The following CDYL2 variants were observed in gnomAD, a reference collection of about 807,000 sequenced individuals.
CDYL2 encodes the protein chromodomain Y like 2.
Under a neutral mutation model 49.4 loss-of-function variants are expected in CDYL2, and 23 were observed. The ratio of observed to expected loss-of-function variants is 0.47; its 90% confidence interval spans 0.34 to 0.66. CDYL2 has a LOEUF of 0.66. Among genes scored for constraint, CDYL2 ranks in the 30% least tolerant of loss-of-function variants. The pLI, the probability that CDYL2 is intolerant of heterozygous loss-of-function variation, is 0.01. For synonymous variants in CDYL2, 360 were observed against 268.8 expected (o/e 1.34, Z -3.32); for missense variants, 678 against 656.4 (o/e 1.03, Z -0.36).
intron 1 of CDYL2, among the ~76,000 whole-genome samples, chr16:80,738,341 C>A (rs1472603426): frequency 6.6e-6 from 1 of 151,988 alleles, no homozygotes; most frequent in East Asian, 1.9e-4. Context: ...GCGCATCTGT[C>A]TTTATGGTAG....
intron 2 of CDYL2, among the ~76,000 whole-genome samples, chr16:80,681,369 G>A (rs78852433): frequency 5.9e-5 from 9 of 152,264 alleles, no homozygotes; most frequent in East Asian, 3.9e-4. Context: ...GAGGGTAGAA[G>A]GAGGACATTC....
At chr16:80,728,858 A>G (rs1301677632) in intron 1 of CDYL2, among the ~76,000 whole-genome samples, 4 of 151,602 alleles carry the variant, frequency 2.6e-5, no homozygotes, top group Admixed American at 1.3e-4. Context: ...ACTAAGCTTC[A>G]TAAGTGAAGG....
chr16:80,759,120 A>ATATATATATATATATATGGTT lies in CDYL2; in HGVS notation c.24+45029_24+45030insAACCATATATATATATATATA, dbSNP rs1555535892. On this transcript the variant is annotated intron_variant, in intron 1 of 6. Coordinates refer to ENST00000570137, the MANE Select transcript of CDYL2 (RefSeq NM_152342.4). ...CCATATACTATATATATATATATAT[A>ATATATATATATATATATGGTT]TATATATATATATATATATGGTTTA... is the stretch of plus-strand genomic sequence containing the variant. Among the ~76,000 whole-genome samples the ATATATATATATATATATGGTT allele has an allele frequency of 9.7e-3, 1,190 of 122,554 alleles. 3 individuals are homozygous for ATATATATATATATATATGGTT. The highest frequency in any genetic ancestry group is 0.015 in the Non-Finnish European group (929 of 60,806). 80.4% of individuals were successfully genotyped at this position (122,554 alleles called of 152,430 possible).
chr16:80,785,887 T>C (rs1416865333), intron 1 of CDYL2, among the ~76,000 whole-genome samples: 1 of 152,040 alleles, frequency 6.6e-6, no homozygotes, highest in Admixed American at 6.6e-5. Context: ...TAATAAATGG[T>C]GTTGGGAAAA....
At chr16:80,752,675 G>A (rs1040908209) in intron 1 of CDYL2, among the ~76,000 whole-genome samples, 1 of 152,170 alleles carries the variant, frequency 6.6e-6, no homozygotes, top group Admixed American at 6.5e-5. Flanking sequence ...CACACAACAA[G>A]GGAGTGAATT....
At chr16:80,760,126 C>T (rs1323178881) in intron 1 of CDYL2, among the ~76,000 whole-genome samples, 1 of 152,196 alleles carries the variant, frequency 6.6e-6, no homozygotes, top group Non-Finnish European at 1.5e-5. Context: ...CTTAGACTAG[C>T]AGGCTGCTTT....
rs1246119279 is a variant in CDYL2, at chr16:80,620,821, T to C, written c.949A>G (p.Ile317Val). 6.2e-7 allele frequency: 1 copy of C among 1,611,960 alleles called. No individual in the cohort carries two copies. The highest frequency in any genetic ancestry group is 1.1e-5 in the South Asian group (1 of 90,866). Residue 317 changes from isoleucine (I) to valine (V), a missense_variant, in exon 4 of 7, where the codon ATT becomes GTT. Coordinates refer to ENST00000570137, the MANE Select transcript of CDYL2 (RefSeq NM_152342.4). ...CGCCGGTCGCTGGACAACCGGCCAA[T>C]TAGGTAGGAATAATCCAGGCCGCTG... is the stretch of plus-strand genomic sequence containing the variant. ...FCSGLDYSYL[I>V]GRLSSDRRKE...
At chr16:80,731,808 C>G (rs574508829) in intron 1 of CDYL2, among the ~76,000 whole-genome samples, 2 of 151,994 alleles carry the variant, frequency 1.3e-5, no homozygotes, top group South Asian at 4.2e-4. Flanking sequence ...AACTTTCCAT[C>G]TAACTCTCTG....
chr16:80,646,538 C>T (rs1047467012), intron 2 of CDYL2, among the ~76,000 whole-genome samples: 1 of 152,156 alleles, frequency 6.6e-6, no homozygotes, highest in Non-Finnish European at 1.5e-5. Flanking sequence ...CACCTGTAAT[C>T]CCAGCACTTT....
At position 80,629,013 on chromosome 16, in the gene CDYL2, C is replaced by T. The variant is rs144871180; in HGVS notation, c.834+4006G>A. On this transcript the variant is annotated intron_variant, in intron 3 of 6. Transcript: ENST00000570137. ...CCAGTCAGAGCACATATAAAGGCCC[C>T]GGGGCAGGTGTAAGCATGAAAGCAA... 6.8e-4 allele frequency among the ~76,000 whole-genome samples: 104 copies of T among 152,194 alleles called. 1 individual carries two copies. Among genetic ancestry groups the T allele is most frequent in the African/African-American group, 2.3e-3 (95 of 41,520 alleles).
At chr16:80,775,683 T>A (rs1229055672) in intron 1 of CDYL2, among the ~76,000 whole-genome samples, 1 of 151,780 alleles carries the variant, frequency 6.6e-6, no homozygotes, top group African/African-American at 2.4e-5. Context: ...TTGAAACATA[T>A]CAATATTTGC....
At chr16:80,655,174 A>G (rs1000799059) in intron 2 of CDYL2, among the ~76,000 whole-genome samples, 8 of 152,218 alleles carry the variant, frequency 5.3e-5, no homozygotes, top group African/African-American at 1.9e-4. Flanking sequence ...GAACAGTCTT[A>G]TACATTTGCC....
intron 1 of CDYL2, among the ~76,000 whole-genome samples, chr16:80,763,969 G>T (rs1450648880): frequency 6.6e-6 from 1 of 151,716 alleles, no homozygotes; most frequent in East Asian, 1.9e-4. Context: ...GGAAAGAGGG[G>T]TATTGAAAAT....
Position 80,608,225 on chromosome 16 carries a change from A to G in CDYL2, c.1229T>C (p.Met410Thr). 1 of 1,576,148 alleles carries G rather than the reference A, an allele frequency of 6.3e-7. No individual in the cohort carries two copies. The highest frequency in any genetic ancestry group is 8.6e-7 in the Non-Finnish European group (1 of 1,159,824). ...GGTGAGCTTCCGCCCACAGAACAGC[A>G]TCTCATTGGCCTGAAAAAGCAAAAG... The part of the protein sequence containing the change: ...QILGVALANE[M>T]LFCGRKLTAQ... The change falls in exon 6 of 7, where the codon ATG becomes ACG. Residue 410 changes from methionine to threonine, a missense_variant. Physicochemically the swap from Met to Thr is moderately conservative, Grantham distance 81 (BLOSUM62 -1). This residue lies in a region of CDYL2 where 153 missense variants were observed against 150.6 expected (regional missense o/e 1.02). Coordinates refer to ENST00000570137, the MANE Select transcript of CDYL2 (RefSeq NM_152342.4).
chr16:80,748,084 G>A (rs1021316394), intron 1 of CDYL2, among the ~76,000 whole-genome samples: 4 of 150,796 alleles, frequency 2.7e-5, no homozygotes, highest in African/African-American at 7.3e-5. Context: ...GTTCAGCCAT[G>A]GAGCCAGTTC....
intron 1 of CDYL2, among the ~76,000 whole-genome samples, chr16:80,792,744 G>A (rs1907650158): frequency 6.6e-6 from 1 of 152,082 alleles, no homozygotes; most frequent in African/African-American, 2.4e-5. Context: ...GGGTCGATGT[G>A]CCCATCCCCA....
chr16:80,760,185 G>A (rs1422325144), intron 1 of CDYL2, among the ~76,000 whole-genome samples: 3 of 152,140 alleles, frequency 2.0e-5, no homozygotes, highest in South Asian at 2.1e-4. Context: ...TCTATTGTGC[G>A]AGGCAAGGCA....
intron 2 of CDYL2, among the ~76,000 whole-genome samples, chr16:80,680,137 G>A (rs41318649): frequency 6.6e-6 from 1 of 152,238 alleles, no homozygotes; most frequent in South Asian, 2.1e-4. Flanking sequence ...AGAAGTGAAA[G>A]CTGAGACGAT....
chr16:80,606,732 C>T (rs1906352097), intron 6 of CDYL2, among the ~76,000 whole-genome samples: 1 of 152,172 alleles, frequency 6.6e-6, no homozygotes, highest in Non-Finnish European at 1.5e-5. Context: ...GTGGGAGGGA[C>T]CCTGTGGGAG....
Sources: gnomAD v4.1 joint callset for allele counts (sites outside exome capture counted in the v4.1 genomes callset) on GRCh38, gnomAD v4.1.1 for gene constraint, gnomAD v4.1.1 regional missense constraint, MANE v1.5 for transcripts, NCBI Gene and HGNC (gene_info 2026-07-23, HGNC 2026-07-21) for gene names.